The following CSMD3 variants were observed in gnomAD, a reference collection of about 807,000 sequenced individuals.
The protein encoded by CSMD3 is CUB and sushi domain-containing protein 3.
Under a neutral mutation model 435.2 loss-of-function variants are expected in CSMD3, and 177 were observed. The ratio of observed to expected loss-of-function variants is 0.41; its 90% CI spans 0.36 to 0.46. The LOEUF (loss-of-function observed/expected upper bound fraction) is 0.46. CSMD3 is among the 20% of genes least tolerant of loss of function. The pLI, the probability that CSMD3 is intolerant of heterozygous loss-of-function variation, is 0.34. For missense variants in CSMD3, 4,265 were observed against 4,504.6 expected, an observed-to-expected ratio of 0.95 and a Z score of 1.52; for synonymous variants, 1,656 against 1,520.5, an observed-to-expected ratio of 1.09 and a Z score of -2.07.
At chr8:112,523,300 C>T (rs147845370) in intron 27 of CSMD3, among the ~76,000 whole-genome samples, 1 of 152,040 alleles carries the variant, frequency 6.6e-6, no homozygotes, top group Admixed American at 6.6e-5. Context: ...AATATTTCAT[C>T]TGCTTTATTT....
chr8:112,774,313 G>C (rs143667436), intron 13 of CSMD3, among the ~76,000 whole-genome samples: 11 of 151,862 alleles, frequency 7.2e-5, no homozygotes, highest in African/African-American at 2.4e-4. Flanking sequence ...ACACACCTCT[G>C]AATTGTGGAA....
At chr8:113,088,860 T>C (rs1452107830) in intron 5 of CSMD3, among the ~76,000 whole-genome samples, 1 of 151,770 alleles carries the variant, frequency 6.6e-6, no homozygotes, top group Non-Finnish European at 1.5e-5. Context: ...TAAAGTATAA[T>C]AATAAAAAAA....
chr8:112,964,724 T>C (rs531411927), intron 7 of CSMD3, among the ~76,000 whole-genome samples: 1 of 151,868 alleles, frequency 6.6e-6, no homozygotes. Flanking sequence ...ATAAAATTAA[T>C]CTAGAAATTT....
chr8:112,751,629 T>C (rs112751220), intron 13 of CSMD3, among the ~76,000 whole-genome samples: 1 of 133,364 alleles, frequency 7.5e-6, no homozygotes, highest in South Asian at 2.5e-4. Flanking sequence ...GAAGTTTAGG[T>C]TTTTTTTTTT....
Position 113,368,211 on chromosome 8 carries a change from T to C in CSMD3, c.179-53418A>G, listed in dbSNP as rs77443679. 4.8e-3 allele frequency among the ~76,000 whole-genome samples: 734 copies of C among 152,246 alleles called. 13 individuals carry two copies. Among genetic ancestry groups the C allele is most frequent in the African/African-American group, 0.017 (707 of 41,562 alleles). ...AATACTTTCCCCTTTTGACTAATAC[T>C]AACTCACCTTCCCAGCTGTGTTACC... is the stretch of plus-strand genomic sequence containing the variant. On this transcript the variant is annotated intron_variant, in intron 1 of 70. Coordinates refer to ENST00000297405, the MANE Select transcript of CSMD3 (RefSeq NM_198123.2).
intron 5 of CSMD3, among the ~76,000 whole-genome samples, chr8:113,080,124 A>T (rs1229267097): frequency 3.3e-5 from 5 of 152,256 alleles, no homozygotes; most frequent in Admixed American, 6.5e-5. Context: ...GTTCTCTGGA[A>T]CATATACTGA....
chr8:112,699,239 G>A lies in CSMD3; in HGVS notation c.1973-9189C>T, dbSNP rs1043560520. Among the ~76,000 whole-genome samples, 39 of 152,110 alleles carry A rather than the reference G, an allele frequency of 2.6e-4. 2 individuals are homozygous for A. The highest frequency in any genetic ancestry group is 2.4e-3 in the Admixed American group (36 of 15,260). On this transcript the variant is annotated intron_variant, in intron 13 of 70. Coordinates refer to ENST00000297405, the MANE Select transcript of CSMD3 (RefSeq NM_198123.2). ...GCTGTAACACTCACTGCAAAAGTCT[G>A]CAGCTTCACTCCTGAAGTCAGCAAG...
intron 3 of CSMD3, among the ~76,000 whole-genome samples, chr8:113,232,239 A>G (rs2093096977): frequency 6.6e-6 from 1 of 151,624 alleles, no homozygotes; most frequent in South Asian, 2.1e-4. Flanking sequence ...GAAAAATATT[A>G]AAGGACAAAA....
At chr8:113,424,852 A>T (rs2129990260) in intron 1 of CSMD3, among the ~76,000 whole-genome samples, 1 of 151,728 alleles carries the variant, frequency 6.6e-6, no homozygotes, top group South Asian at 2.1e-4. Context: ...GTGATAAGGT[A>T]ATGATACAAT....
intron 4 of CSMD3, among the ~76,000 whole-genome samples, chr8:113,112,064 T>A (rs1175451476): frequency 6.6e-6 from 1 of 152,126 alleles, no homozygotes; most frequent in Non-Finnish European, 1.5e-5. Flanking sequence ...TTATCTGCCT[T>A]TCATTTTCAA....
At chr8:112,563,043 C>T (rs1392080301) in intron 24 of CSMD3, among the ~76,000 whole-genome samples, 8 of 151,556 alleles carry the variant, frequency 5.3e-5, no homozygotes, top group Non-Finnish European at 1.2e-4. Context: ...TCAACTGTGC[C>T]ACCTCAGAAT....
At chr8:112,567,291 G>C (rs557996293) in intron 24 of CSMD3, among the ~76,000 whole-genome samples, 22 of 152,204 alleles carry the variant, frequency 1.4e-4, no homozygotes, top group Admixed American at 2.6e-4. Context: ...CTTTAAGATG[G>C]AGTCTGAACA....
chr8:112,357,254 C>T (rs1024710829), intron 38 of CSMD3, among the ~76,000 whole-genome samples: 5 of 152,118 alleles, frequency 3.3e-5, no homozygotes, highest in Non-Finnish European at 7.4e-5. Flanking sequence ...CATTTTGCCC[C>T]TGCCCTAGAG....
At chr8:113,128,371 T>A (rs972920846) in intron 4 of CSMD3, among the ~76,000 whole-genome samples, 25 of 152,012 alleles carry the variant, frequency 1.6e-4, no homozygotes, top group East Asian at 5.8e-4. Context: ...TCCATAAAAT[T>A]TTTTTTTATT....
Position 112,231,839 on chromosome 8 carries a change from A to T in CSMD3, c.10741-207T>A, listed in dbSNP as rs1813112716. Among the ~76,000 whole-genome samples the T allele has an allele frequency of 2.0e-5, 3 of 152,228 alleles. No homozygotes were observed. The South Asian group carries it at 6.2e-4, about 32-fold the overall frequency. On this transcript the variant is annotated intron_variant, in intron 68 of 70. Coordinates refer to ENST00000297405, the MANE Select transcript of CSMD3 (RefSeq NM_198123.2). The stretch of plus-strand genomic sequence containing the variant: ...AATTTTCTAATTTGAAATAATTATG[A>T]TATACAAAACAGAGATTGGTTATTA...
intron 35 of CSMD3, among the ~76,000 whole-genome samples, chr8:112,404,781 G>T (rs1831626613): frequency 6.6e-6 from 1 of 151,904 alleles, no homozygotes; most frequent in Non-Finnish European, 1.5e-5. Context: ...TCTATTATGT[G>T]TCAATATACA....
chr8:112,256,405 T>C (rs1471288695), intron 61 of CSMD3, among the ~76,000 whole-genome samples: 1 of 152,086 alleles, frequency 6.6e-6, no homozygotes, highest in Admixed American at 6.6e-5. Context: ...CAAAGGTGTC[T>C]CTCACTGAGA....
At chr8:113,298,506 T>A (rs1400222439) in intron 2 of CSMD3, among the ~76,000 whole-genome samples, 3 of 152,192 alleles carry the variant, frequency 2.0e-5, no homozygotes, top group Non-Finnish European at 4.4e-5. Flanking sequence ...AAACTTAAAA[T>A]CAGCAAGTAT....
At chr8:113,430,323 G>A (rs1282111522) in intron 1 of CSMD3, among the ~76,000 whole-genome samples, 1 of 151,956 alleles carries the variant, frequency 6.6e-6, no homozygotes, top group Non-Finnish European at 1.5e-5. Context: ...ACTGGGCTAG[G>A]TACGTAATTT....
Sources: gnomAD v4.1 joint callset for allele counts (sites outside exome capture counted in the v4.1 genomes callset) on GRCh38, gnomAD v4.1.1 for gene constraint, MANE v1.5 for transcripts, NCBI Gene and HGNC (gene_info 2026-07-23, HGNC 2026-07-21) for gene names.